NARS2: variants seen among roughly 807,000 people sequenced by gnomAD.
NARS2 encodes asparaginyl-tRNA synthetase.
In NARS2, 60 loss-of-function variants were observed where a neutral mutation model predicts 62.9. That is an observed-to-expected ratio of 0.95 (90% CI 0.77 to 1.18). The LOEUF is 1.18. Among genes scored for constraint, NARS2 ranks in the 50% most tolerant of loss-of-function variants. The probability of loss-of-function intolerance (pLI) is 0.00; values close to 1 mark genes in which losing one functional copy is unlikely to be tolerated. For synonymous variants in NARS2, 196 were observed against 200.0 expected (o/e 0.98, Z 0.17); for missense variants, 619 against 576.4 (o/e 1.07, Z -0.76).
intron 5 of NARS2, among the ~76,000 whole-genome samples, chr11:78,540,162 AGC>A (rs1346554788): frequency 6.6e-6 from 1 of 152,214 alleles, no homozygotes; most frequent in Non-Finnish European, 1.5e-5. Context: ...TAAATAGCAC[AGC>A]CAAGAAAGGG....
chr11:78,478,437 C>CAT lies in NARS2; in HGVS notation c.958_959dup (p.Ile321SerfsTer11), dbSNP rs1859201940. ...GTTCAAAAAGTATAACATCTACTTA[C>CAT]ATTAAAAAGTTGTTTTTTAGCATAT... On this transcript the variant is annotated frameshift_variant and splice_region_variant. Coordinates refer to ENST00000281038, the MANE Select transcript of NARS2 (RefSeq NM_024678.6). LOFTEE classifies it high-confidence loss of function. 1 of 1,048,050 alleles carries CAT rather than the reference C, an allele frequency of 9.5e-7. No homozygotes were observed. The highest frequency in any genetic ancestry group is 1.6e-5 in the African/African-American group (1 of 61,646). The allele number at this position is 1,048,050 out of a possible 1,614,324, so 64.9% of individuals were successfully genotyped here. A position where few individuals can be genotyped will look rare whatever the true frequency, so the allele number is the denominator to read the frequency against.
intron 3 of NARS2, 102 bp downstream of exon 3, chr11:78,568,530 G>T (rs908067534): frequency 8.8e-6 from 12 of 1,364,468 alleles, no homozygotes; most frequent in Non-Finnish European, 1.2e-5. Flanking sequence ...TGTCACAAAT[G>T]AAATATATTC....
At chr11:78,490,048 A>T (rs965486116) in intron 7 of NARS2, among the ~76,000 whole-genome samples, 2 of 152,212 alleles carry the variant, frequency 1.3e-5, no homozygotes, top group East Asian at 3.8e-4. Context: ...CAAAAAACAA[A>T]AAACCAGAAA....
At chr11:78,548,874 T>C (rs1270532233) in intron 5 of NARS2, among the ~76,000 whole-genome samples, 2 of 152,128 alleles carry the variant, frequency 1.3e-5, no homozygotes, top group East Asian at 3.8e-4. Context: ...GAAACATCTA[T>C]TCAAAAAAAT....
At chr11:78,571,992 G>A (rs369135174) in intron 1 of NARS2, among the ~76,000 whole-genome samples, 1 of 152,114 alleles carries the variant, frequency 6.6e-6, no homozygotes. Context: ...GACCAGCCTG[G>A]CCAACATGGT....
intron 11 of NARS2, among the ~76,000 whole-genome samples, chr11:78,457,097 G>A (rs915177302): frequency 6.6e-6 from 1 of 152,340 alleles, no homozygotes; most frequent in East Asian, 1.9e-4. Flanking sequence ...CAGGTAACTA[G>A]TAAGGTATCT....
chr11:78,567,598 A>C (rs1856788541), intron 3 of NARS2, among the ~76,000 whole-genome samples: 1 of 152,174 alleles, frequency 6.6e-6, no homozygotes, highest in Non-Finnish European at 1.5e-5. Flanking sequence ...TACGCTCTTG[A>C]TTTCCAAATT....
At chr11:78,550,625 A>G (rs1047031892) in intron 5 of NARS2, among the ~76,000 whole-genome samples, 1 of 152,230 alleles carries the variant, frequency 6.6e-6, no homozygotes, top group African/African-American at 2.4e-5. Flanking sequence ...AATGTAGGCT[A>G]GGATGCAGGG....
At chr11:78,551,099 A>C (rs141156571) in intron 5 of NARS2, among the ~76,000 whole-genome samples, 1 of 152,282 alleles carries the variant, frequency 6.6e-6, no homozygotes, top group East Asian at 1.9e-4. Context: ...GGTACAGTTT[A>C]TTTTTGGGGT....
intron 5 of NARS2, among the ~76,000 whole-genome samples, chr11:78,530,030 G>A (rs1861422875): frequency 6.6e-6 from 1 of 152,096 alleles, no homozygotes; most frequent in Admixed American, 6.5e-5. Flanking sequence ...TGCATATCAT[G>A]TATCGGTATC....
chr11:78,468,950 G>A (rs566290970), intron 10 of NARS2, among the ~76,000 whole-genome samples: 1 of 152,042 alleles, frequency 6.6e-6, no homozygotes, highest in Non-Finnish European at 1.5e-5. Context: ...AATAGTCTAT[G>A]ATTATCTTTC....
intron 6 of NARS2, among the ~76,000 whole-genome samples, chr11:78,499,071 C>T (rs1334337290): frequency 2.0e-5 from 3 of 151,866 alleles, no homozygotes; most frequent in South Asian, 2.1e-4. Flanking sequence ...CGCCCGCCAC[C>T]ACGCCCGGCT....
At chr11:78,438,793 G>T (rs1266411662) in intron 13 of NARS2, among the ~76,000 whole-genome samples, 1 of 152,144 alleles carries the variant, frequency 6.6e-6, no homozygotes, top group African/African-American at 2.4e-5. Context: ...TAGCCATCTG[G>T]GGTGGCTTCT....
In NARS2 at chr11:78,478,568, T is replaced by A; in HGVS notation, c.921+17A>T. On this transcript the variant is annotated intron_variant, in intron 8 of 13. Coordinates refer to ENST00000281038, the MANE Select transcript of NARS2 (RefSeq NM_024678.6). ...TAAACAGTAGATGTATTGGGCTTTA[T>A]CCATAAAACTAATTACCTTTTGGCC... is the stretch of plus-strand genomic sequence containing the variant. The A allele has an allele frequency of 2.0e-6, 3 of 1,520,056 alleles. No homozygotes were observed. Among genetic ancestry groups the A allele is most frequent in the Non-Finnish European group, 2.7e-6 (3 of 1,097,374 alleles). 94.2% of individuals were successfully genotyped at this position (1,520,056 alleles called of 1,614,324 possible).
intron 13 of NARS2, among the ~76,000 whole-genome samples, chr11:78,439,007 A>C (rs1591115000): frequency 6.6e-6 from 1 of 150,632 alleles, no homozygotes; most frequent in Non-Finnish European, 1.5e-5. Context: ...ATGGAGTCTC[A>C]CTCTATTGCC....
chr11:78,484,753 T>C (rs1859501401), intron 7 of NARS2, among the ~76,000 whole-genome samples: 1 of 152,200 alleles, frequency 6.6e-6, no homozygotes. Flanking sequence ...AGCAAGGCTG[T>C]GGAGAAACAG....
At chr11:78,520,982 C>T (rs1861094559) in intron 6 of NARS2, among the ~76,000 whole-genome samples, 2 of 150,170 alleles carry the variant, frequency 1.3e-5, no homozygotes, top group African/African-American at 4.9e-5. Flanking sequence ...CGCTTGAACC[C>T]GAGACGCAGG....
At chr11:78,478,757 G>C (rs1859220592) in intron 7 of NARS2, 74 bp from the exon 8 acceptor site, 2 of 798,754 alleles carry the variant, frequency 2.5e-6, no homozygotes. Flanking sequence ...ACTCAATAAG[G>C]ACCGCATTCC....
intron 6 of NARS2, among the ~76,000 whole-genome samples, chr11:78,497,319 C>T (rs1000018864): frequency 6.7e-6 from 1 of 149,990 alleles, no homozygotes; most frequent in East Asian, 1.9e-4. Context: ...CTCAAGATGG[C>T]AAATAGATTA....
Sources: allele counts gnomAD v4.1 joint callset (sites outside exome capture counted in the v4.1 genomes callset), GRCh38; gene constraint gnomAD v4.1.1; transcripts MANE v1.5; gene names NCBI Gene and HGNC (gene_info 2026-07-23, HGNC 2026-07-21).